Variants in SRPK1 observed in about 807,000 individuals in gnomAD.
The protein encoded by SRPK1 is SRSF protein kinase 1, also known as SFRS protein kinase 1.
A neutral mutation model predicts 89.5 loss-of-function variants in SRPK1; 52 were observed. The ratio of observed to expected loss-of-function variants is 0.58; its 90% confidence interval spans 0.46 to 0.73. The LOEUF (loss-of-function observed/expected upper bound fraction) is 0.73, where lower values mean the gene tolerates loss of function less well. Among genes scored for constraint, SRPK1 ranks in the 30% least tolerant of loss-of-function variants. The pLI, the probability that SRPK1 is intolerant of heterozygous loss-of-function variation, is 0.00. For synonymous variants in SRPK1, 255 were observed against 270.2 expected (o/e 0.94, Z 0.55); for missense variants, 603 against 780.6 (o/e 0.77, Z 2.71).
intron 2 of SRPK1, among the ~76,000 whole-genome samples, chr6:35,892,504 T>C (rs1770538719): frequency 6.6e-6 from 1 of 151,970 alleles, no homozygotes; most frequent in African/African-American, 2.4e-5. Context: ...ATATAAAAAT[T>C]AGCTGGGTGT....
At position 35,909,486 on chromosome 6, in the gene SRPK1, T is replaced by C. The variant is rs9394323; in HGVS notation, c.74+10982A>G. The stretch of plus-strand genomic sequence containing the variant: ...ACTTGTCTCAGATGAGACTTTGGAC[T>C]TGGGACTCTTGAGTTAATACTGGAA... On this transcript the variant is annotated intron_variant, in intron 2 of 15. Coordinates refer to ENST00000373825, the MANE Select transcript of SRPK1 (RefSeq NM_003137.5). 9.5e-4 allele frequency among the ~76,000 whole-genome samples: 145 copies of C among 152,278 alleles called. 1 individual carries two copies. The East Asian group carries it at 0.027, about 28-fold the overall frequency.
chr6:35,880,746 A>AAAAAAAAAAAAGAAAG (rs1770263877), intron 6 of SRPK1, among the ~76,000 whole-genome samples: 6 of 89,202 alleles, frequency 6.7e-5, no homozygotes, highest in South Asian at 4.7e-4. Flanking sequence ...AAAAAAAAAA[A>AAAAAAAAAAAAGAAAG]AAAAGAAAAG....
chr6:35,838,451 A>T, intron 14 of SRPK1, 22 bp from the exon 15 acceptor site: 1 of 1,551,186 alleles, frequency 6.4e-7, no homozygotes, highest in Non-Finnish European at 8.7e-7. Context: ...AAACATTTCA[A>T]GAGGGGGGAA....
chr6:35,916,246 T>TAAATAAATA (rs1554158253), intron 2 of SRPK1, among the ~76,000 whole-genome samples: 199 of 131,106 alleles, frequency 1.5e-3, no homozygotes, highest in Middle Eastern at 3.7e-3. Context: ...ATAAATAAAT[T>TAAATAAATA]AATTAATTAA....
In SRPK1 at chr6:35,919,783, A is replaced by G. The variant is rs1226659140; in HGVS notation, c.74+685T>C. ...CTTAATACGCCAAACCAGAATCATC[A>G]ATGTTTGTTAAAGAACTCTCCCGTT... On this transcript the variant is annotated intron_variant, in intron 2 of 15. Transcript: ENST00000373825. 2.6e-5 allele frequency among the ~76,000 whole-genome samples: 4 copies of G among 152,200 alleles called. No individual in the cohort carries two copies. The East Asian group carries it at 5.8e-4, about 22-fold the overall frequency.
chr6:35,904,718 G>T (rs918088125), intron 2 of SRPK1, among the ~76,000 whole-genome samples: 1 of 151,954 alleles, frequency 6.6e-6, no homozygotes, highest in African/African-American at 2.4e-5. Flanking sequence ...AGAACTGCTT[G>T]AACCAGGACC....
At chr6:35,906,982 A>G (rs1004464365) in intron 2 of SRPK1, among the ~76,000 whole-genome samples, 1 of 152,242 alleles carries the variant, frequency 6.6e-6, no homozygotes, top group Non-Finnish European at 1.5e-5. Context: ...TTCTCTTTAT[A>G]GAAGTATTAC....
Position 35,833,987 on chromosome 6 carries a change from G to A in SRPK1, c.*1317C>T, listed in dbSNP as rs1469798876. 1.3e-5 allele frequency: 2 copies of A among 151,670 alleles called. No individual in the cohort carries two copies. The highest frequency in any genetic ancestry group is 4.9e-5 in the African/African-American group (2 of 41,094). The allele number at this position is 151,670 out of a possible 1,614,324, so 9.4% of individuals were successfully genotyped here. A position where few individuals can be genotyped will look rare whatever the true frequency, so the allele number is the denominator to read the frequency against. On this transcript the variant is annotated 3_prime_UTR_variant, in exon 16 of 16. Transcript: ENST00000373825. ...TACTGGAGGAATATGTAATATTCTA[G>A]GTCAAGTCTAGGAGAGGCTCATCCT...
Position 35,885,461 on chromosome 6 carries a change from T to C in SRPK1, c.478+1263A>G, listed in dbSNP as rs116594616. ...TGACTCAGAATTGACTTTAGAACAATAGTCTTTCCACATTATCAGCTGTTC... is the reference window on the plus strand; with the variant it reads ...TGACTCAGAATTGACTTTAGAACAACAGTCTTTCCACATTATCAGCTGTTC... On this transcript the variant is annotated intron_variant, in intron 6 of 15. Coordinates refer to ENST00000373825, the MANE Select transcript of SRPK1 (RefSeq NM_003137.5). Among the ~76,000 whole-genome samples, 1,227 of 152,288 alleles carry C rather than the reference T, an allele frequency of 8.1e-3. 18 individuals carry two copies. The highest frequency in any genetic ancestry group is 0.028 in the African/African-American group (1,153 of 41,550).
Position 35,835,430 on chromosome 6 carries a change from C to T in SRPK1, c.1842G>A (p.Glu614=). The T allele has an allele frequency of 1.2e-6, 2 of 1,613,766 alleles. No individual in the cohort carries two copies. The highest frequency in any genetic ancestry group is 1.7e-6 in the Non-Finnish European group (2 of 1,179,806). The change falls in exon 16 of 16, where the codon GAG becomes GAA. Residue 614 remains glutamate, a synonymous_variant. Coordinates refer to ENST00000373825, the MANE Select transcript of SRPK1 (RefSeq NM_003137.5). ...KPWGLFEVLV[E]KYEWSQEEAA... ...CCTCTTCCTGCGACCACTCATACTT[C>T]TCCACTAGAACCTCAAAAAGGCCCC...
intron 12 of SRPK1, among the ~76,000 whole-genome samples, chr6:35,859,861 CTTT>C (rs879560712): frequency 4.3e-5 from 6 of 140,936 alleles, no homozygotes; most frequent in Non-Finnish European, 3.1e-5. Flanking sequence ...AGAACGTAGT[CTTT>C]TTTTTTTTTT....
chr6:35,878,211 TG>T (rs1217787642), intron 6 of SRPK1, among the ~76,000 whole-genome samples: 1 of 152,200 alleles, frequency 6.6e-6, no homozygotes, highest in Admixed American at 6.5e-5. Flanking sequence ...CATTTCCCAC[TG>T]AATGGAATTA....
chr6:35,844,005 G>GTTTT (rs35051574), intron 13 of SRPK1, among the ~76,000 whole-genome samples: 4 of 125,706 alleles, frequency 3.2e-5, no homozygotes, highest in Non-Finnish European at 3.3e-5. Flanking sequence ...CACAACAGCA[G>GTTTT]TTTTTTTTTT....
chr6:35,857,276 C>T lies in SRPK1; in HGVS notation c.1605G>A (p.Trp535Ter). The T allele has an allele frequency of 6.2e-7, 1 of 1,612,424 alleles. No individual in the cohort carries two copies. Among genetic ancestry groups the T allele is most frequent in the Non-Finnish European group, 8.5e-7 (1 of 1,179,102 alleles). ...GSGYNTPADIWSTACMAFELA... is the reference protein window; with the variant it reads ...GSGYNTPADI ...AAAACATTACCATGCATGCCGTGCT[C>T]CAAATGTCAGCAGGGGTATTATAGC... Residue 535 changes from tryptophan to a stop codon, truncating the protein, a stop_gained, in exon 13 of 16, where the codon TGG becomes TGA. Coordinates refer to ENST00000373825, the MANE Select transcript of SRPK1 (RefSeq NM_003137.5). LOFTEE classifies it high-confidence loss of function.
Position 35,835,244 on chromosome 6 carries a change from G to A in SRPK1, c.*60C>T, listed in dbSNP as rs1343111894. On this transcript the variant is annotated 3_prime_UTR_variant, in exon 16 of 16. Coordinates refer to ENST00000373825, the MANE Select transcript of SRPK1 (RefSeq NM_003137.5). ...CACCCTGAAAAGGGAAGAGGAAAAT[G>A]CTTGAAGGGGAAGGGCGGAGGGTCA... is the stretch of plus-strand genomic sequence containing the variant. 7.0e-7 allele frequency: 1 copy of A among 1,421,220 alleles called. No homozygotes were observed. Among genetic ancestry groups the A allele is most frequent in the Non-Finnish European group, 9.5e-7 (1 of 1,048,020 alleles). 88.0% of individuals were successfully genotyped at this position (1,421,220 alleles called of 1,614,324 possible).
intron 5 of SRPK1, 174 bp downstream of exon 5, chr6:35,887,850 T>C: frequency 2.4e-6 from 1 of 422,646 alleles, no homozygotes; most frequent in Non-Finnish European, 4.1e-6. Flanking sequence ...ACCAGTTCCC[T>C]ACTACATGCA....
rs527365382 is a variant in SRPK1 at position 35,839,942 on chromosome 6, T to C, written c.1691-1513A>G. ...GATCTGCCGCCTTGGCCTCCCAAAA[T>C]GCTGGGATTACAGGTGTGAGCCACT... is the stretch of plus-strand genomic sequence containing the variant. On this transcript the variant is annotated intron_variant, in intron 14 of 15. Transcript: ENST00000373825. 2.3e-3 allele frequency among the ~76,000 whole-genome samples: 350 copies of C among 152,012 alleles called. 1 individual carries two copies. Among genetic ancestry groups the C allele is most frequent in the Admixed American group, 5.0e-3 (77 of 15,264 alleles).
intron 6 of SRPK1, 34 bp from the exon 7 acceptor site, chr6:35,874,373 A>G: frequency 1.4e-6 from 2 of 1,455,160 alleles, no homozygotes; most frequent in Non-Finnish European, 1.9e-6. Flanking sequence ...AAAACGGCAC[A>G]AAAGAAGAAC....
intron 15 of SRPK1, among the ~76,000 whole-genome samples, chr6:35,837,255 G>A (rs1769200554): frequency 6.6e-6 from 1 of 152,134 alleles, no homozygotes; most frequent in African/African-American, 2.4e-5. Flanking sequence ...TGTGTTAGGT[G>A]TCACTGGGAT....
Sources: allele counts gnomAD v4.1 joint callset (sites outside exome capture counted in the v4.1 genomes callset), GRCh38; gene constraint gnomAD v4.1.1; transcripts MANE v1.5; gene names NCBI Gene and HGNC (gene_info 2026-07-23, HGNC 2026-07-21).